The following BICC1 variants were observed in gnomAD, a reference collection of about 807,000 sequenced individuals.
BICC1 encodes protein bicaudal C homolog 1.
A neutral mutation model predicts 111.0 loss-of-function variants in BICC1; 43 were observed. The observed-to-expected ratio is 0.39, with a 90% CI of 0.30 to 0.50. The LOEUF (loss-of-function observed/expected upper bound fraction) is 0.50, where lower values mean the gene tolerates loss of function less well. BICC1 is among the 20% of genes least tolerant of loss of function. BICC1 has a pLI of 0.88. For synonymous variants in BICC1, 467 were observed against 434.4 expected, an observed-to-expected ratio of 1.07 and a Z score of -0.93; for missense variants, 1,091 against 1,203.2, an observed-to-expected ratio of 0.91 and a Z score of 1.38.
At chr10:58,804,454 G>A (rs750483435) in intron 15 of BICC1, among the ~76,000 whole-genome samples, 2 of 152,122 alleles carry the variant, frequency 1.3e-5, no homozygotes, top group Non-Finnish European at 2.9e-5. Flanking sequence ...GGAGGCAGAG[G>A]TTGCTGTGAG....
chr10:58,614,487 C>A (rs1845537707), intron 1 of BICC1, among the ~76,000 whole-genome samples: 1 of 152,180 alleles, frequency 6.6e-6, no homozygotes, highest in Non-Finnish European at 1.5e-5. Flanking sequence ...ATTTTTGCTG[C>A]CAGTGAATGT....
chr10:58,546,719 A>C (rs1171018951), intron 1 of BICC1, among the ~76,000 whole-genome samples: 1 of 152,146 alleles, frequency 6.6e-6, no homozygotes, highest in East Asian at 1.9e-4. Context: ...TAAGTAAAAA[A>C]CTTTTTTTAA....
intron 2 of BICC1, among the ~76,000 whole-genome samples, chr10:58,670,852 CATT>C (rs1460411239): frequency 6.6e-6 from 1 of 152,110 alleles, no homozygotes; most frequent in East Asian, 1.9e-4. Flanking sequence ...TAACCATACT[CATT>C]AATAAAAAGG....
intron 4 of BICC1, 68 bp downstream of exon 4, chr10:58,785,148 T>C (rs554300271): frequency 6.3e-5 from 55 of 869,310 alleles, no homozygotes; most frequent in Non-Finnish European, 9.0e-5. Flanking sequence ...CATGCCGTTA[T>C]GAAAGAACCA....
Position 58,792,106 on chromosome 10 carries a change from A to G in BICC1, c.1048-1378A>G, listed in dbSNP as rs576524420. On this transcript the variant is annotated intron_variant, in intron 8 of 20. Coordinates refer to ENST00000373886, the MANE Select transcript of BICC1 (RefSeq NM_001080512.3). ...GGTTCCCGGCTTAGTAATTCATTTT[A>G]ATCCTAGTGTGCTTAATGGTAACCT... Among the ~76,000 whole-genome samples the G allele has an allele frequency of 1.3e-4, 20 of 152,214 alleles. No individual in the cohort carries two copies. In the Middle Eastern group the frequency reaches 0.01, roughly 78 times the overall value.
intron 2 of BICC1, among the ~76,000 whole-genome samples, chr10:58,696,071 C>T (rs1235527617): frequency 6.6e-6 from 1 of 151,908 alleles, no homozygotes; most frequent in Non-Finnish European, 1.5e-5. Flanking sequence ...TAAACATTAC[C>T]TTCCCTTCCT....
chr10:58,584,700 G>A (rs1564498243), intron 1 of BICC1, among the ~76,000 whole-genome samples: 1 of 151,902 alleles, frequency 6.6e-6, no homozygotes, highest in Non-Finnish European at 1.5e-5. Context: ...AACACTGAAG[G>A]GGTTTCCAAA....
At chr10:58,814,311 T>C in intron 18 of BICC1, 1 of 592,392 alleles carries the variant, frequency 1.7e-6, no homozygotes, top group Non-Finnish European at 3.0e-6. Context: ...ATTTATGAAG[T>C]GTCCATGTGT....
intron 2 of BICC1, among the ~76,000 whole-genome samples, chr10:58,690,210 C>T (rs1392134841): frequency 3.3e-5 from 5 of 152,204 alleles, no homozygotes; most frequent in Admixed American, 6.5e-5. Flanking sequence ...TCGTGCCCAC[C>T]AAATATTCTA....
intron 3 of BICC1, among the ~76,000 whole-genome samples, chr10:58,769,375 TATGTGTG>T (rs1842552765): frequency 3.7e-5 from 2 of 53,478 alleles, no homozygotes; most frequent in South Asian, 1.9e-3. Context: ...TTTTATAATG[TATGTGTG>T]TGTGTGTGTG....
chr10:58,717,183 A>G (rs192828049), intron 3 of BICC1, among the ~76,000 whole-genome samples: 1 of 152,334 alleles, frequency 6.6e-6, no homozygotes, highest in Non-Finnish European at 1.5e-5. Context: ...ACTAAGTTTT[A>G]ACCAGTCAGG....
chr10:58,615,564 C>T (rs984639594), intron 1 of BICC1, among the ~76,000 whole-genome samples: 9 of 152,134 alleles, frequency 5.9e-5, no homozygotes, highest in African/African-American at 2.2e-4. Context: ...CTTGTTCGTG[C>T]CAAGAGACAG....
chr10:58,548,715 A>G (rs1443534313), intron 1 of BICC1, among the ~76,000 whole-genome samples: 1 of 152,170 alleles, frequency 6.6e-6, no homozygotes, highest in Non-Finnish European at 1.5e-5. Flanking sequence ...ATGTCACACA[A>G]ATGTCATATA....
At chr10:58,713,219 G>A (rs1840634185) in intron 3 of BICC1, among the ~76,000 whole-genome samples, 1 of 152,162 alleles carries the variant, frequency 6.6e-6, no homozygotes, top group Non-Finnish European at 1.5e-5. Flanking sequence ...TAGCTTGCCT[G>A]ACTCTGTGAC....
intron 3 of BICC1, among the ~76,000 whole-genome samples, chr10:58,720,814 G>C (rs1042490426): frequency 1.9e-4 from 29 of 152,216 alleles, no homozygotes; most frequent in Admixed American, 6.5e-4. Flanking sequence ...ATAGTAGGTC[G>C]TATTTGATGA....
At chr10:58,683,511 G>A (rs943274221) in intron 2 of BICC1, among the ~76,000 whole-genome samples, 14 of 152,202 alleles carry the variant, frequency 9.2e-5, no homozygotes, top group Non-Finnish European at 1.8e-4. Context: ...TCCTATCCAT[G>A]AGCATGGAAT....
At chr10:58,821,697 A>G (rs1844255292) in intron 20 of BICC1, among the ~76,000 whole-genome samples, 1 of 152,180 alleles carries the variant, frequency 6.6e-6, no homozygotes, top group Admixed American at 6.6e-5. Flanking sequence ...AAGAGGCTCT[A>G]TTAATGGAAC....
At chr10:58,582,890 T>G (rs1308703933) in intron 1 of BICC1, among the ~76,000 whole-genome samples, 1 of 152,222 alleles carries the variant, frequency 6.6e-6, no homozygotes, top group Non-Finnish European at 1.5e-5. Context: ...AATCTTATTT[T>G]TAGGCCAGCT....
chr10:58,815,255 C>G (rs894419004), intron 18 of BICC1, among the ~76,000 whole-genome samples: 5 of 152,156 alleles, frequency 3.3e-5, no homozygotes, highest in Non-Finnish European at 7.4e-5. Flanking sequence ...TCAGGAGTCT[C>G]AGATTTGAAA....
Sources: allele counts gnomAD v4.1 joint callset (sites outside exome capture counted in the v4.1 genomes callset), GRCh38; gene constraint gnomAD v4.1.1; transcripts MANE v1.5; gene names NCBI Gene and HGNC (gene_info 2026-07-23, HGNC 2026-07-21).